Variants in POMC observed in about 807,000 individuals in gnomAD.
POMC encodes pro-opiomelanocortin.
Under a neutral mutation model 18.5 loss-of-function variants are expected in POMC, and 19 were observed. That is an observed-to-expected ratio of 1.03 (90% confidence interval 0.72 to 1.51). The LOEUF (loss-of-function observed/expected upper bound fraction) is 1.51, where lower values mean the gene tolerates loss of function less well. POMC is among the 40% of genes most tolerant of loss of function. The pLI is 0.00. For missense variants in POMC, 451 were observed against 379.0 expected (o/e 1.19, Z -1.58); for synonymous variants, 179 against 161.9 (o/e 1.11, Z -0.80).
At chr2:25,163,038 A>G (rs1211310231) in intron 2 of POMC, among the ~76,000 whole-genome samples, 2 of 152,248 alleles carry the variant, frequency 1.3e-5, no homozygotes, top group South Asian at 2.1e-4. Context: ...AAATGGCTGC[A>G]TAGGCTGCAG....
chr2:25,164,690 C>T lies in POMC; in HGVS notation c.83G>A (p.Cys28Tyr), dbSNP rs767700712. The T allele has an allele frequency of 3.7e-6, 6 of 1,614,172 alleles. No individual in the cohort carries two copies. The highest frequency in any genetic ancestry group is 4.2e-6 in the Non-Finnish European group (5 of 1,180,022). ...GTCCTGACACTGGCTGCTCTCCAGG[C>T]ACCAGCCACGCACTTCCATGGAGGC... ...LQASMEVRGW[C>Y]LESSQCQDLT... Residue 28 changes from cysteine to tyrosine, a missense_variant, in exon 2 of 3, where the codon TGC becomes TAC. Transcript: ENST00000395826.
At chr2:25,163,234 G>A (rs772256047) in intron 2 of POMC, among the ~76,000 whole-genome samples, 20 of 152,166 alleles carry the variant, frequency 1.3e-4, no homozygotes, top group African/African-American at 3.9e-4. Context: ...CTCCCCTCCC[G>A]TGGACAGATA....
In POMC at chr2:25,161,840, C is replaced by T. The variant is rs2149220285; in HGVS notation, c.133-88G>A. The T allele has an allele frequency of 1.4e-6, 2 of 1,468,454 alleles. No individual in the cohort carries two copies. The highest frequency in any genetic ancestry group is 1.4e-5 in the South Asian group (1 of 72,990). 91.0% of individuals were successfully genotyped at this position (1,468,454 alleles called of 1,614,324 possible). A position where few individuals can be genotyped will look rare whatever the true frequency, so the allele number is the denominator to read the frequency against. Reference sequence around the variant, plus strand: ...CCCGTCACTGCGCCTAGGCCCTGGCCGCCCTCGCCACGTGCCGAGGACACA... The same window carrying T: ...CCCGTCACTGCGCCTAGGCCCTGGCTGCCCTCGCCACGTGCCGAGGACACA... On this transcript the variant is annotated intron_variant, in intron 2 of 2. Transcript: ENST00000395826. The surrounding 1 kb of genome is among the most constrained non-coding windows in gnomAD (Gnocchi z 5.7).
chr2:25,161,260 G>C lies in POMC; in HGVS notation c.625C>G (p.Leu209Val). 2 of 1,612,288 alleles carry C rather than the reference G, an allele frequency of 1.2e-6. No individual in the cohort carries two copies. Among genetic ancestry groups the C allele is most frequent in the African/African-American group, 1.3e-5 (1 of 74,948 alleles). Residue 209 changes from leucine to valine, a missense_variant, in exon 3 of 3, where the codon CTG (leucine) becomes GTG (valine). Transcript: ENST00000395826. This position sits in a 1 kb window ranked among gnomAD's most constrained non-coding sequence, Gnocchi z 5.7. ...TCCTTCTTCTCGGCCGCCACCAGCA[G>C]GCTGTGCTCCAGGTCGGCCTGGGCC... is the stretch of plus-strand genomic sequence containing the variant. ...AGAQADLEHS[L>V]LVAAEKKDEG...
Position 25,160,868 on chromosome 2 carries a change from C to G in POMC, c.*213G>C. On this transcript the variant is annotated 3_prime_UTR_variant, in exon 3 of 3. Transcript: ENST00000395826. ...GATCCATGCTGCTGTTATTTGACGGCTACGTATTTTTACTTTATTCACACA... is the reference window on the plus strand; with the variant it reads ...GATCCATGCTGCTGTTATTTGACGGGTACGTATTTTTACTTTATTCACACA... The G allele has an allele frequency of 1.3e-6, 1 of 777,294 alleles. No individual in the cohort carries two copies. The highest frequency in any genetic ancestry group is 2.0e-6 in the Non-Finnish European group (1 of 500,702). The allele number at this position is 777,294 out of a possible 1,614,324, so 48.1% of individuals were successfully genotyped here.
At chr2:25,165,889 A>T (rs547421846) in intron 1 of POMC, among the ~76,000 whole-genome samples, 2 of 152,206 alleles carry the variant, frequency 1.3e-5, no homozygotes, top group African/African-American at 2.4e-5. Flanking sequence ...ATTTCAGAAG[A>T]TCTTCTCAGC....
In POMC at chr2:25,161,870, A is replaced by G; in HGVS notation, c.133-118T>C. The G allele has an allele frequency of 2.8e-6, 4 of 1,433,112 alleles. No homozygotes were observed. Among genetic ancestry groups the G allele is most frequent in the Non-Finnish European group, 3.7e-6 (4 of 1,095,130 alleles). 88.8% of individuals were successfully genotyped at this position (1,433,112 alleles called of 1,614,324 possible). A position where few individuals can be genotyped will look rare whatever the true frequency, so the allele number is the denominator to read the frequency against. ...TCGCCACGTGCCGAGGACACAGGGC[A>G]CAGTGTCGGGCGTGTCAAGCGTCGA... is the stretch of plus-strand genomic sequence containing the variant. On this transcript the variant is annotated intron_variant, in intron 2 of 2. Transcript: ENST00000395826. The surrounding 1 kb of genome is among the most constrained non-coding windows in gnomAD (Gnocchi z 5.7).
intron 1 of POMC, among the ~76,000 whole-genome samples, chr2:25,166,340 C>T (rs1323295800): frequency 6.6e-6 from 1 of 152,166 alleles, no homozygotes; most frequent in Non-Finnish European, 1.5e-5. Flanking sequence ...CAGGCTGTTC[C>T]CATTGTACCC....
At chr2:25,164,864 C>T (rs2075631429) in intron 1 of POMC, 72 bp from the exon 2 acceptor site, 1 of 1,540,838 alleles carries the variant, frequency 6.5e-7, no homozygotes, top group Non-Finnish European at 8.9e-7. Context: ...CCAGGAAGGA[C>T]CTTGAGCCAA....
intron 1 of POMC, among the ~76,000 whole-genome samples, chr2:25,165,138 A>C (rs1475928722): frequency 6.6e-6 from 1 of 152,214 alleles, no homozygotes; most frequent in Admixed American, 6.5e-5. Flanking sequence ...CAATTACTTT[A>C]ATGTCCATGA....
chr2:25,164,489 T>TA, intron 2 of POMC, 152 bp downstream of exon 2: 1 of 1,217,468 alleles, frequency 8.2e-7, no homozygotes, highest in Non-Finnish European at 1.2e-6. Context: ...TCCCATTTCT[T>TA]ACTTCACTGC....
At chr2:25,166,749 C>G (rs1671569913) in intron 1 of POMC, among the ~76,000 whole-genome samples, 1 of 152,186 alleles carries the variant, frequency 6.6e-6, no homozygotes, top group South Asian at 2.1e-4. Context: ...TGTTGCTAAA[C>G]TGGTTAGATG....
At position 25,168,220 on chromosome 2, in the gene POMC, C is replaced by T. The variant is rs1321422524; in HGVS notation, c.-21+278G>A. Among the ~76,000 whole-genome samples the T allele has an allele frequency of 6.6e-6, 1 of 152,142 alleles. No homozygotes were observed. Among genetic ancestry groups the T allele is most frequent in the Admixed American group, 6.5e-5 (1 of 15,280 alleles). ...GCAAGCTCTCGGAGCCTCCGGACCG[C>T]CGCGAGCCCCTGGGGGAGAGGAGGC... On this transcript the variant is annotated intron_variant, in intron 1 of 2. Transcript: ENST00000395826. The surrounding 1 kb of genome is among the most constrained non-coding windows in gnomAD (Gnocchi z 5.2).
At chr2:25,165,993 A>T (rs1429970228) in intron 1 of POMC, among the ~76,000 whole-genome samples, 1 of 152,272 alleles carries the variant, frequency 6.6e-6, no homozygotes, top group East Asian at 1.9e-4. Flanking sequence ...GAACGCTGGC[A>T]TTTTAAAATA....
At chr2:25,163,872 A>G (rs1671469302) in intron 2 of POMC, among the ~76,000 whole-genome samples, 2 of 151,952 alleles carry the variant, frequency 1.3e-5, no homozygotes, top group East Asian at 3.9e-4. Context: ...CAATCCTCCC[A>G]CCTTAGCATC....
At chr2:25,164,856 A>G in intron 1 of POMC, 64 bp from the exon 2 acceptor site, 1 of 1,575,560 alleles carries the variant, frequency 6.3e-7, no homozygotes, top group Non-Finnish European at 8.7e-7. Context: ...GCCACTCACC[A>G]GGAAGGACCT....
chr2:25,166,709 T>C (rs936526482), intron 1 of POMC, among the ~76,000 whole-genome samples: 5 of 152,204 alleles, frequency 3.3e-5, no homozygotes, highest in African/African-American at 9.7e-5. Flanking sequence ...TGGTAACATA[T>C]TCACTCCCAC....
chr2:25,162,544 G>A (rs1671428712), intron 2 of POMC, among the ~76,000 whole-genome samples: 1 of 151,870 alleles, frequency 6.6e-6, no homozygotes, highest in Non-Finnish European at 1.5e-5. Context: ...CTGAAATTTG[G>A]GGGATAATCT....
In POMC at chr2:25,161,776, A is replaced by T; in HGVS notation, c.133-24T>A. ...TCCTGGGGGAAGACGCGAGGGCATGAGGGCAGCCCGTGCCCCGCACCCCGG... is the reference window on the plus strand; with the variant it reads ...TCCTGGGGGAAGACGCGAGGGCATGTGGGCAGCCCGTGCCCCGCACCCCGG... On this transcript the variant is annotated intron_variant, in intron 2 of 2. Transcript: ENST00000395826. The surrounding 1 kb of genome is among the most constrained non-coding windows in gnomAD (Gnocchi z 5.7). 6.4e-7 allele frequency: 1 copy of T among 1,572,652 alleles called. No homozygotes were observed. Among genetic ancestry groups the T allele is most frequent in the Non-Finnish European group, 8.6e-7 (1 of 1,160,890 alleles).
Sources: allele counts gnomAD v4.1 joint callset (sites outside exome capture counted in the v4.1 genomes callset), GRCh38; gene constraint gnomAD v4.1.1; non-coding constraint Gnocchi (gnomAD v3.1); transcripts MANE v1.5; gene names NCBI Gene and HGNC (gene_info 2026-07-23, HGNC 2026-07-21).